The following TDRP variants were observed in gnomAD, a reference collection of about 807,000 sequenced individuals.
TDRP encodes testis development-related protein.
TDRP carries 12 observed loss-of-function variants against 10.5 expected under a neutral mutation model. The ratio of observed to expected loss-of-function variants is 1.15; its 90% CI spans 0.73 to 1.86. The LOEUF (loss-of-function observed/expected upper bound fraction) is 1.86, where lower values mean the gene tolerates loss of function less well. Among genes scored for constraint, TDRP ranks in the 40% most tolerant of loss-of-function variants. The pLI is 0.00. For missense variants in TDRP, 353 were observed against 229.2 expected, an observed-to-expected ratio of 1.54 and a Z score of -3.49; for synonymous variants, 139 against 95.4, an observed-to-expected ratio of 1.46 and a Z score of -2.67.
chr8:516,640 C>G (rs1028281915), intron 1 of TDRP, among the ~76,000 whole-genome samples: 1 of 152,184 alleles, frequency 6.6e-6, no homozygotes, highest in African/African-American at 2.4e-5. Flanking sequence ...AGCAGGAACT[C>G]TCGTTCACTG....
intron 1 of TDRP, among the ~76,000 whole-genome samples, chr8:512,759 G>A (rs899129406): frequency 6.6e-6 from 1 of 152,136 alleles, no homozygotes; most frequent in Non-Finnish European, 1.5e-5. Context: ...CAGATCACCT[G>A]AGGCCATGAA....
At chr8:542,061 A>T (rs1802509113) in intron 1 of TDRP, among the ~76,000 whole-genome samples, 1 of 152,222 alleles carries the variant, frequency 6.6e-6, no homozygotes, top group Admixed American at 6.5e-5. Flanking sequence ...ACACCCAAAC[A>T]GTGGAATACT....
chr8:496,267 G>A (rs573079781), intron 1 of TDRP, among the ~76,000 whole-genome samples: 7 of 152,330 alleles, frequency 4.6e-5, no homozygotes, highest in East Asian at 1.9e-4. Flanking sequence ...AAAGGATTAC[G>A]TCTGATGCGC....
chr8:492,050 A>G lies in TDRP; in HGVS notation c.*349T>C, dbSNP rs1404184486. ...AAGAAAAAGGTACGGAAGTTCTGAAACAGAACTACAACACAGAGCAGCATG... is the reference window on the plus strand; with the variant it reads ...AAGAAAAAGGTACGGAAGTTCTGAAGCAGAACTACAACACAGAGCAGCATG... On this transcript the variant is annotated 3_prime_UTR_variant, in exon 3 of 3. Coordinates refer to ENST00000324079, the MANE Select transcript of TDRP (RefSeq NM_001384899.1). 4.0e-5 allele frequency: 45 copies of G among 1,132,142 alleles called. No individual in the cohort carries two copies. The highest frequency in any genetic ancestry group is 4.6e-5 in the Non-Finnish European group (43 of 925,744). The allele number at this position is 1,132,142 out of a possible 1,614,324, so 70.1% of individuals were successfully genotyped here.
At chr8:514,237 G>A (rs181351598) in intron 1 of TDRP, among the ~76,000 whole-genome samples, 1 of 152,336 alleles carries the variant, frequency 6.6e-6, no homozygotes, top group Admixed American at 6.5e-5. Flanking sequence ...GCACATCAAT[G>A]CAATCAGTGG....
intron 1 of TDRP, among the ~76,000 whole-genome samples, chr8:540,168 G>A (rs1802456041): frequency 6.6e-6 from 1 of 152,176 alleles, no homozygotes; most frequent in South Asian, 2.1e-4. Context: ...GAGGGCAGAG[G>A]TTAGAAGACG....
At chr8:493,215 C>G (rs775870949) in intron 2 of TDRP, among the ~76,000 whole-genome samples, 1 of 152,200 alleles carries the variant, frequency 6.6e-6, no homozygotes, top group African/African-American at 2.4e-5. Flanking sequence ...AGAACACCAT[C>G]TACTATAAAA....
At chr8:495,792 A>C (rs999215453) in intron 1 of TDRP, among the ~76,000 whole-genome samples, 1 of 152,220 alleles carries the variant, frequency 6.6e-6, no homozygotes, top group African/African-American at 2.4e-5. Context: ...CTTTGAGGTG[A>C]CCCAGTGATT....
rs1037984695 is a variant in TDRP at position 491,719 on chromosome 8, T to A, written c.*680A>T. ...TGTTTTAAGAAAATAAAGGGACCGA[T>A]TTAGAAGTTCAAAAGAGGTAAAAAT... On this transcript the variant is annotated 3_prime_UTR_variant, in exon 3 of 3. Coordinates refer to ENST00000324079, the MANE Select transcript of TDRP (RefSeq NM_001384899.1). 24 of 1,479,604 alleles carry A rather than the reference T, an allele frequency of 1.6e-5. No individual in the cohort carries two copies. In the African/African-American group the frequency reaches 2.1e-4, roughly 13 times the overall value. The allele number at this position is 1,479,604 out of a possible 1,614,324, so 91.7% of individuals were successfully genotyped here.
At chr8:497,256 T>C (rs116174497) in intron 1 of TDRP, among the ~76,000 whole-genome samples, 202 of 152,272 alleles carry the variant, frequency 1.3e-3, no homozygotes, top group African/African-American at 4.6e-3. Context: ...ATGCTGACAG[T>C]GATACAGACA....
intron 1 of TDRP, among the ~76,000 whole-genome samples, chr8:542,522 T>C (rs970204757): frequency 1.3e-4 from 19 of 151,844 alleles, no homozygotes; most frequent in Middle Eastern, 3.2e-3. Context: ...ACCTGAAAAA[T>C]AGAGTCTATT....
chr8:514,957 G>C (rs1199333824), intron 1 of TDRP, among the ~76,000 whole-genome samples: 1 of 152,134 alleles, frequency 6.6e-6, no homozygotes, highest in East Asian at 1.9e-4. Context: ...TATTTATCCT[G>C]CAAAAGACAA....
chr8:493,993 G>GTTTTTTTTTT (rs68057437), intron 2 of TDRP, among the ~76,000 whole-genome samples: 2 of 106,526 alleles, frequency 1.9e-5, no homozygotes, highest in Non-Finnish European at 3.7e-5. Flanking sequence ...CATTTCTGTT[G>GTTTTTTTTTT]TTTTTTTTTT....
chr8:496,128 CAAAG>C (rs1436931860), intron 1 of TDRP, among the ~76,000 whole-genome samples: 1 of 152,180 alleles, frequency 6.6e-6, no homozygotes, highest in Non-Finnish European at 1.5e-5. Context: ...AAAAACCTAC[CAAAG>C]AAACCATCAC....
chr8:542,357 G>A (rs946341968), intron 1 of TDRP, among the ~76,000 whole-genome samples: 15 of 151,878 alleles, frequency 9.9e-5, no homozygotes, highest in African/African-American at 2.7e-4. Flanking sequence ...AATGCACAAC[G>A]AGTGAGCCCT....
At chr8:545,247 A>AC (rs1284616532), upstream of TDRP, among the ~76,000 whole-genome samples, 1 of 23,450 alleles carries the variant, frequency 4.3e-5, no homozygotes, top group African/African-American at 1.8e-4. Context: ...CCCCACCTTG[A>AC]CCCCCACCTA....
chr8:521,246 C>CAAAAAA lies in TDRP; in HGVS notation c.108+23398_108+23403dup, dbSNP rs57263869. Among the ~76,000 whole-genome samples the CAAAAAA allele has an allele frequency of 2.2e-3, 187 of 84,556 alleles. 12 individuals carry two copies. Among genetic ancestry groups the CAAAAAA allele is most frequent in the African/African-American group, 8.2e-3 (175 of 21,262 alleles). 55.5% of individuals were successfully genotyped at this position (84,556 alleles called of 152,430 possible). A position where few individuals can be genotyped will look rare whatever the true frequency, so the allele number is the denominator to read the frequency against. On this transcript the variant is annotated intron_variant, in intron 1 of 2. Transcript: ENST00000324079. ...TCAAACCCCGTCTCTACTAAAAATC[C>CAAAAAA]AAAAAAAAAAAAAAAAAAAAAATAG...
intron 1 of TDRP, among the ~76,000 whole-genome samples, chr8:512,310 G>A (rs1007003978): frequency 6.6e-6 from 1 of 151,918 alleles, no homozygotes; most frequent in Non-Finnish European, 1.5e-5. Flanking sequence ...GCACACACCT[G>A]TAGTGCCAGC....
rs1411722568 is a variant in TDRP at position 491,659 on chromosome 8, T to C, written c.*740A>G. The C allele has an allele frequency of 1.3e-6, 2 of 1,527,962 alleles. No individual in the cohort carries two copies. Among genetic ancestry groups the C allele is most frequent in the East Asian group, 2.5e-5 (1 of 40,740 alleles). 94.7% of individuals were successfully genotyped at this position (1,527,962 alleles called of 1,614,324 possible). On this transcript the variant is annotated 3_prime_UTR_variant, in exon 3 of 3. Transcript: ENST00000324079. ...TTATCAACTGACTAAAATTGATCCATACTTCTTTAATCTGTAAACAAAAAA... is the reference window on the plus strand; with the variant it reads ...TTATCAACTGACTAAAATTGATCCACACTTCTTTAATCTGTAAACAAAAAA...
Sources: allele counts gnomAD v4.1 joint callset (sites outside exome capture counted in the v4.1 genomes callset), GRCh38; gene constraint gnomAD v4.1.1; transcripts MANE v1.5; gene names NCBI Gene and HGNC (gene_info 2026-07-23, HGNC 2026-07-21).